MALRD1: variants seen among roughly 807,000 people sequenced by gnomAD.
MALRD1 encodes the protein MAM and LDL receptor class A domain containing 1.
In MALRD1, 247 loss-of-function variants were observed where a neutral mutation model predicts 242.1. The observed-to-expected ratio is 1.02, with a 90% CI of 0.92 to 1.13. The LOEUF (loss-of-function observed/expected upper bound fraction) is 1.13. MALRD1 is among the 50% of genes most tolerant of loss of function. MALRD1 has a pLI of 0.00. For synonymous variants in MALRD1, 995 were observed against 866.6 expected, an observed-to-expected ratio of 1.15 and a Z score of -2.60; for missense variants, 2,989 against 2,533.1, an observed-to-expected ratio of 1.18 and a Z score of -3.86.
At chr10:19,103,837 G>T in intron 4 of MALRD1, 142 bp from the exon 5 acceptor site, 1 of 413,384 alleles carries the variant, frequency 2.4e-6, no homozygotes, top group Non-Finnish European at 4.2e-6. Flanking sequence ...TGATTTCTTT[G>T]CACCTGGAAT....
rs1479980541 is a variant in MALRD1 at position 19,583,434 on chromosome 10, GGGTTGTT to G, written c.5681-11758_5681-11752del. 4.4e-3 allele frequency among the ~76,000 whole-genome samples: 669 copies of G among 150,566 alleles called. 1 individual carries two copies. Among genetic ancestry groups the G allele is most frequent in the Middle Eastern group, 0.014 (4 of 290 alleles). On this transcript the variant is annotated intron_variant, in intron 33 of 39. Transcript: ENST00000454679. ...ATTTATTGAGAGTTTTTAGCATGAAGGGTTGTTGAATTTTGTCAAAGGCCTTTTCTGC... is the reference window on the plus strand; with the variant it reads ...ATTTATTGAGAGTTTTTAGCATGAAGGAATTTTGTCAAAGGCCTTTTCTGC...
intron 1 of MALRD1, among the ~76,000 whole-genome samples, chr10:19,066,202 A>G (rs1490021492): frequency 6.6e-6 from 1 of 152,220 alleles, no homozygotes; most frequent in Admixed American, 6.5e-5. Flanking sequence ...CAATAACAAG[A>G]AAAAATCTTT....
chr10:19,677,459 A>G (rs1185920486), intron 36 of MALRD1, among the ~76,000 whole-genome samples: 2 of 152,074 alleles, frequency 1.3e-5, no homozygotes, highest in Non-Finnish European at 1.5e-5. Context: ...CTGCATAAGT[A>G]TCTTCTTTCG....
chr10:19,627,804 TAGGCC>T (rs1465313385), intron 36 of MALRD1, among the ~76,000 whole-genome samples: 17 of 126,566 alleles, frequency 1.3e-4, no homozygotes, highest in Admixed American at 9.8e-4. Context: ...AAAACAATAA[TAGGCC>T]AGGCCAGGAG....
chr10:19,097,722 A>T (rs1006158854), intron 4 of MALRD1, among the ~76,000 whole-genome samples: 3 of 152,156 alleles, frequency 2.0e-5, no homozygotes, highest in African/African-American at 7.2e-5. Flanking sequence ...AAGGGACCAG[A>T]TTGATAACAT....
At chr10:19,554,856 T>C (rs1336759585) in intron 32 of MALRD1, among the ~76,000 whole-genome samples, 1 of 152,114 alleles carries the variant, frequency 6.6e-6, no homozygotes. Context: ...TATGCACATA[T>C]GCATGCATGT....
intron 29 of MALRD1, among the ~76,000 whole-genome samples, chr10:19,467,621 A>G (rs958102197): frequency 1.3e-5 from 2 of 151,682 alleles, no homozygotes; most frequent in African/African-American, 4.8e-5. Context: ...TGCAGTCCTC[A>G]TATGTAAATG....
chr10:19,070,033 A>T (rs1222325589), intron 2 of MALRD1, among the ~76,000 whole-genome samples: 1 of 151,984 alleles, frequency 6.6e-6, no homozygotes, highest in East Asian at 1.9e-4. Flanking sequence ...AAATCTCCGC[A>T]TATATTTTGA....
chr10:19,498,394 C>T, intron 30 of MALRD1, 91 bp from the exon 31 acceptor site: 1 of 1,094,274 alleles, frequency 9.1e-7, no homozygotes, highest in Non-Finnish European at 1.3e-6. Flanking sequence ...TTAGAATATG[C>T]AGATACTAAT....
At chr10:19,212,878 T>A (rs1418173284) in intron 18 of MALRD1, among the ~76,000 whole-genome samples, 1 of 152,194 alleles carries the variant, frequency 6.6e-6, no homozygotes, top group East Asian at 1.9e-4. Context: ...ACCAAACAAA[T>A]GTCTACTTTG....
intron 19 of MALRD1, among the ~76,000 whole-genome samples, chr10:19,278,781 C>T (rs183231112): frequency 4.1e-4 from 63 of 152,166 alleles, no homozygotes; most frequent in Admixed American, 1.4e-3. Context: ...ACACACAATA[C>T]CTTTAAGGGT....
chr10:19,248,907 A>T (rs959630076), intron 18 of MALRD1, among the ~76,000 whole-genome samples: 8 of 147,844 alleles, frequency 5.4e-5, no homozygotes, highest in Non-Finnish European at 1.0e-4. Flanking sequence ...CGTGTATATC[A>T]TATGTGTATA....
intron 35 of MALRD1, 41 bp downstream of exon 35, chr10:19,607,943 G>A (rs1838717363): frequency 1.3e-6 from 2 of 1,543,102 alleles, no homozygotes; most frequent in Non-Finnish European, 1.8e-6. Context: ...ATATGAACCA[G>A]CAACTTAACC....
chr10:19,383,119 G>A (rs184090327), intron 26 of MALRD1, among the ~76,000 whole-genome samples: 2 of 152,086 alleles, frequency 1.3e-5, no homozygotes, highest in African/African-American at 4.8e-5. Context: ...TGCATATCAT[G>A]GGGGTTTGGT....
chr10:19,687,133 TTTC>T (rs1239768495), intron 36 of MALRD1, among the ~76,000 whole-genome samples: 5 of 152,220 alleles, frequency 3.3e-5, no homozygotes, highest in African/African-American at 4.8e-5. Flanking sequence ...TAACATTTTT[TTTC>T]TTCTTGACGT....
intron 28 of MALRD1, among the ~76,000 whole-genome samples, chr10:19,435,573 A>T (rs537369872): frequency 2.0e-5 from 3 of 152,236 alleles, no homozygotes; most frequent in East Asian, 1.9e-4. Flanking sequence ...TGCTTTTTTT[A>T]AAATGAATAG....
rs1222536338 is a variant in MALRD1, at chr10:19,349,675, T to G, written c.4149+1657T>G. On this transcript the variant is annotated intron_variant, in intron 25 of 39. Transcript: ENST00000454679. ...TAAAACCCAAGCACACCAGATTTTC[T>G]CTATGTTGGGTATATATCTATAAAT... 2.0e-5 allele frequency among the ~76,000 whole-genome samples: 3 copies of G among 152,322 alleles called. No homozygotes were observed. In the East Asian group the frequency reaches 5.8e-4, roughly 29 times the overall value.
chr10:19,299,407 C>A (rs1466097444), intron 21 of MALRD1, among the ~76,000 whole-genome samples: 1 of 151,726 alleles, frequency 6.6e-6, no homozygotes, highest in African/African-American at 2.4e-5. Context: ...GATTTTGAGC[C>A]AGCAATGATC....
chr10:19,445,241 A>G (rs1834902327), intron 28 of MALRD1, among the ~76,000 whole-genome samples: 1 of 152,238 alleles, frequency 6.6e-6, no homozygotes, highest in East Asian at 1.9e-4. Flanking sequence ...CTTCTTTGCA[A>G]TGCGTTCGAA....
Sources: allele counts gnomAD v4.1 joint callset (sites outside exome capture counted in the v4.1 genomes callset), GRCh38; gene constraint gnomAD v4.1.1; transcripts MANE v1.5; gene names NCBI Gene and HGNC (gene_info 2026-07-23, HGNC 2026-07-21).